Variants in GYPC observed in about 807,000 individuals in gnomAD.
GYPC encodes glycophorin C (Gerbich blood group), also known as glycophorin-C.
In GYPC, 14 loss-of-function variants were observed where a neutral mutation model predicts 12.6. That is an observed-to-expected ratio of 1.11 (90% CI 0.74 to 1.74). The LOEUF is 1.74. Ranked by LOEUF, GYPC falls within the 40% of genes most tolerant of loss-of-function variation. GYPC has a pLI of 0.00. For synonymous variants in GYPC, 78 were observed against 62.1 expected (o/e 1.26, Z -1.20); for missense variants, 225 against 172.1 (o/e 1.31, Z -1.72).
chr2:126,685,829 A>G (rs1408071028), intron 1 of GYPC: 1 of 984,826 alleles, frequency 1.0e-6, no homozygotes, highest in Non-Finnish European at 1.2e-6. Flanking sequence ...TCATTGCAGG[A>G]AGTCTCCAAG....
At chr2:126,669,387 G>C (rs1345572181) in intron 1 of GYPC, among the ~76,000 whole-genome samples, 2 of 152,088 alleles carry the variant, frequency 1.3e-5, no homozygotes, top group Non-Finnish European at 2.9e-5. Flanking sequence ...TCAAGCCCAG[G>C]GGTTCCAACC....
At chr2:126,695,251 T>G (rs1243426204) in intron 3 of GYPC, among the ~76,000 whole-genome samples, 6 of 152,208 alleles carry the variant, frequency 3.9e-5, no homozygotes, top group Non-Finnish European at 8.8e-5. Flanking sequence ...TTTCCTGGTT[T>G]TAGAACGGAA....
chr2:126,659,548 A>G (rs952004501), intron 1 of GYPC, among the ~76,000 whole-genome samples: 5 of 152,196 alleles, frequency 3.3e-5, no homozygotes, highest in African/African-American at 9.6e-5. Context: ...AAGGGCCTGG[A>G]CCTGCTCCCA....
In GYPC at chr2:126,693,934, T is replaced by A. The variant is rs758856929; in HGVS notation, c.177T>A (p.Ile59=). The change falls in exon 3 of 4, where the codon ATT becomes ATA. Residue 59 remains isoleucine, a synonymous_variant. Coordinates refer to ENST00000259254, the MANE Select transcript of GYPC (RefSeq NM_002101.5). The part of the protein sequence containing the change: ...METSTPTIMD[I]VVIAGVIAAV... ...CCTCCACCCCCACCATAATGGACAT[T>A]GTCGTCATTGCAGGTGAGCTCTCAT... 3.7e-6 allele frequency: 6 copies of A among 1,608,002 alleles called. No individual in the cohort carries two copies. Among genetic ancestry groups the A allele is most frequent in the Non-Finnish European group, 5.1e-6 (6 of 1,174,628 alleles).
At chr2:126,663,719 T>A (rs1292288825) in intron 1 of GYPC, among the ~76,000 whole-genome samples, 2 of 152,204 alleles carry the variant, frequency 1.3e-5, no homozygotes, top group Non-Finnish European at 2.9e-5. Flanking sequence ...CTCCCTGCCC[T>A]GGGCAAGGCC....
chr2:126,691,609 G>A (rs1490567884), intron 2 of GYPC, among the ~76,000 whole-genome samples: 2 of 152,086 alleles, frequency 1.3e-5, no homozygotes, highest in Admixed American at 1.3e-4. Flanking sequence ...TTTTCCCCCT[G>A]TATAGTGTAC....
In GYPC at chr2:126,695,960, G is replaced by A. The variant is rs759372389; in HGVS notation, c.205G>A (p.Val69Met). 1 of 1,613,976 alleles carries A rather than the reference G, an allele frequency of 6.2e-7. No homozygotes were observed. The change falls in exon 4 of 4, where the codon GTG becomes ATG. Residue 69 changes from valine (V) to methionine (M), a missense_variant. By Grantham distance (21) the Val-to-Met change is conservative. Coordinates refer to ENST00000259254, the MANE Select transcript of GYPC (RefSeq NM_002101.5). Reference sequence around the variant, plus strand: ...CCCACCTGCAGGTGTGATTGCTGCTGTGGCCATCGTCCTAGTCTCCCTCCT... The same window carrying A: ...CCCACCTGCAGGTGTGATTGCTGCTATGGCCATCGTCCTAGTCTCCCTCCT... ...IVVIAGVIAA[V>M]AIVLVSLLFV...
chr2:126,670,135 G>T (rs1682805359), intron 1 of GYPC, among the ~76,000 whole-genome samples: 1 of 152,160 alleles, frequency 6.6e-6, no homozygotes, highest in Non-Finnish European at 1.5e-5. Context: ...AGTTCTCTCT[G>T]CTCCAGTTCA....
At chr2:126,665,907 G>A (rs1211763512) in intron 1 of GYPC, among the ~76,000 whole-genome samples, 1 of 152,198 alleles carries the variant, frequency 6.6e-6, no homozygotes, top group African/African-American at 2.4e-5. Context: ...GCTCTCTCCT[G>A]GAAGCCAGGT....
chr2:126,687,548 G>A (rs1014544008), intron 1 of GYPC, among the ~76,000 whole-genome samples: 13 of 152,204 alleles, frequency 8.5e-5, no homozygotes, highest in African/African-American at 3.1e-4. Flanking sequence ...CTCTGGTTGG[G>A]CTGAAATGTC....
intron 2 of GYPC, among the ~76,000 whole-genome samples, chr2:126,692,142 A>C (rs902863394): frequency 2.0e-5 from 3 of 152,094 alleles, no homozygotes; most frequent in African/African-American, 7.2e-5. Flanking sequence ...CCCTTGCTTC[A>C]GGTCTTGCTA....
intron 1 of GYPC, among the ~76,000 whole-genome samples, chr2:126,671,532 G>A (rs1280610374): frequency 6.6e-6 from 1 of 152,230 alleles, no homozygotes; most frequent in Non-Finnish European, 1.5e-5. Flanking sequence ...ATTAGATTTG[G>A]AGATGGAGCC....
At chr2:126,664,589 C>T (rs1029558126) in intron 1 of GYPC, among the ~76,000 whole-genome samples, 1 of 152,196 alleles carries the variant, frequency 6.6e-6, no homozygotes. Context: ...TCAAATAGTA[C>T]ATTTGCCTTT....
chr2:126,677,173 T>C (rs13011769), intron 1 of GYPC, among the ~76,000 whole-genome samples: 13,914 of 151,978 alleles, frequency 0.092, 705 homozygotes, highest in Middle Eastern at 0.16. Context: ...TGGAAAAGTG[T>C]GAGAGGAATG....
chr2:126,685,530 A>C (rs918822423), intron 1 of GYPC, among the ~76,000 whole-genome samples: 9 of 151,856 alleles, frequency 5.9e-5, no homozygotes, highest in Admixed American at 3.9e-4. Flanking sequence ...GATTACAGGC[A>C]CCCGCCAGCA....
At chr2:126,693,687 T>C (rs760550511) in intron 2 of GYPC, among the ~76,000 whole-genome samples, 177 bp from the exon 3 acceptor site, 13 of 152,164 alleles carry the variant, frequency 8.5e-5, no homozygotes, top group Non-Finnish European at 1.9e-4. Flanking sequence ...AAGCAGAACC[T>C]GGTTCCTGGT....
chr2:126,690,717 T>A (rs1156339014), intron 2 of GYPC, among the ~76,000 whole-genome samples: 6 of 152,080 alleles, frequency 3.9e-5, no homozygotes, highest in Non-Finnish European at 8.8e-5. Flanking sequence ...TCATCCCACA[T>A]TATTTTCTTC....
chr2:126,680,421 G>C (rs1169727027), intron 1 of GYPC: 2 of 152,220 alleles, frequency 1.3e-5, no homozygotes, highest in African/African-American at 4.8e-5. Flanking sequence ...CTCTCAATGA[G>C]CATAGGAAGT....
chr2:126,682,582 G>A (rs1304889063), intron 1 of GYPC, among the ~76,000 whole-genome samples: 1 of 152,122 alleles, frequency 6.6e-6, no homozygotes, highest in Non-Finnish European at 1.5e-5. Flanking sequence ...CCCTCTTAAG[G>A]ACTCTGTTCT....
Sources: gnomAD v4.1 joint callset for allele counts (sites outside exome capture counted in the v4.1 genomes callset) on GRCh38, gnomAD v4.1.1 for gene constraint, MANE v1.5 for transcripts, NCBI Gene and HGNC (gene_info 2026-07-23, HGNC 2026-07-21) for gene names.